Variants in DNHD1 observed in about 807,000 individuals in gnomAD.
The protein encoded by DNHD1 is dynein heavy chain domain-containing protein 1.
A neutral mutation model predicts 458.1 loss-of-function variants in DNHD1; 383 were observed. The ratio of observed to expected loss-of-function variants is 0.84; its 90% confidence interval spans 0.77 to 0.91. The LOEUF (loss-of-function observed/expected upper bound fraction) is 0.91, where lower values mean the gene tolerates loss of function less well. DNHD1 is among the 40% of genes least tolerant of loss of function. The pLI is 0.00. For synonymous variants in DNHD1, 2,203 were observed against 2,376.9 expected (o/e 0.93, Z 2.13); for missense variants, 5,336 against 5,866.1 (o/e 0.91, Z 2.95).
chr11:6,523,602 A>G (rs1290364795), intron 10 of DNHD1, among the ~76,000 whole-genome samples: 2 of 152,202 alleles, frequency 1.3e-5, no homozygotes, highest in Non-Finnish European at 2.9e-5. Flanking sequence ...ACTCATATGT[A>G]TTATATCAAT....
Position 6,556,905 on chromosome 11 carries a change from A to G in DNHD1, c.7610A>G (p.Glu2537Gly). 1 of 1,551,696 alleles carries G rather than the reference A, an allele frequency of 6.4e-7. No individual in the cohort carries two copies. Among genetic ancestry groups the G allele is most frequent in the African/African-American group, 1.4e-5 (1 of 73,174 alleles). ...LESMTQATLL[E>G]RHVPIIQAWL... ...AGCATGACCCAGGCCACCCTGCTGG[A>G]AAGACATGTGCCTATCATTCAGGCT... is the stretch of plus-strand genomic sequence containing the variant. The change falls in exon 25 of 43, where the codon GAA becomes GGA. Residue 2537 changes from glutamate (E) to glycine (G), a missense_variant. Around this residue, in one of 4 missense-constraint regions of DNHD1, gnomAD observed 3,932 missense variants for 4,365.6 expected, o/e 0.90. Transcript: ENST00000254579.
At chr11:6,533,555 G>T in intron 13 of DNHD1, 126 bp from the exon 14 acceptor site, 7 of 1,238,312 alleles carry the variant, frequency 5.7e-6, no homozygotes, top group Non-Finnish European at 7.7e-6. Context: ...CCTGATTCCA[G>T]TTGATTACAA....
chr11:6,510,861 C>G (rs1454569093), intron 6 of DNHD1, among the ~76,000 whole-genome samples: 1 of 152,122 alleles, frequency 6.6e-6, no homozygotes, highest in Admixed American at 6.5e-5. Context: ...ATGGGCAGCC[C>G]ACAGAGAAGT....
chr11:6,533,059 C>A lies in DNHD1; in HGVS notation c.2380C>A (p.Leu794Ile), dbSNP rs761096741. Reference protein sequence around the residue: ...SKLNSIRKDILAHVQNECWNL... With the variant: ...SKLNSIRKDIIAHVQNECWNL... ...GCTGAACAGCATAAGGAAGGACATTCTTGCACACGTGCAAAATGAGTGCTG... is the reference window on the plus strand; with the variant it reads ...GCTGAACAGCATAAGGAAGGACATTATTGCACACGTGCAAAATGAGTGCTG... The change falls in exon 13 of 43, where the codon CTT becomes ATT. Residue 794 changes from leucine to isoleucine, a missense_variant. Around this residue, in one of 4 missense-constraint regions of DNHD1, gnomAD observed 3,932 missense variants for 4,365.6 expected, o/e 0.90. Transcript: ENST00000254579. 2.6e-6 allele frequency: 4 copies of A among 1,551,584 alleles called. No individual in the cohort carries two copies. The highest frequency in any genetic ancestry group is 1.2e-5 in the South Asian group (1 of 84,064).
At chr11:6,521,657 CA>C (rs975620473) in intron 10 of DNHD1, among the ~76,000 whole-genome samples, 1 of 152,098 alleles carries the variant, frequency 6.6e-6, no homozygotes, top group African/African-American at 2.4e-5. Context: ...AACTTTTCTA[CA>C]AAATTTGAAG....
At chr11:6,511,242 C>T (rs755309767) in intron 6 of DNHD1, 31 bp from the exon 7 acceptor site, 2 of 1,608,484 alleles carry the variant, frequency 1.2e-6, no homozygotes. Flanking sequence ...ATTGGGATGC[C>T]AGCTCTGACC....
intron 27 of DNHD1, 25 bp from the exon 28 acceptor site, chr11:6,559,156 C>T (rs535902877): frequency 1.3e-6 from 2 of 1,551,698 alleles, no homozygotes; most frequent in African/African-American, 2.7e-5. Context: ...CTTTGGGTTT[C>T]CTCACCAGCA....
At position 6,558,639 on chromosome 11, in the gene DNHD1, G is replaced by A. The variant is rs1457161695; in HGVS notation, c.9157G>A (p.Ala3053Thr). ...TGAACCCTGGGACCAAGCTGCCCTG[G>A]CCAAGGTGGCCCAGCATCACCTGGA... is the stretch of plus-strand genomic sequence containing the variant. ...RYEPWDQAAL[A>T]KVAQHHLEGA... Residue 3053 changes from alanine to threonine, a missense_variant, in exon 26 of 43, where the codon GCC becomes ACC. By Grantham distance (58) the Ala-to-Thr change is moderately conservative. This residue lies in a region of DNHD1 where 3,932 missense variants were observed against 4,365.6 expected (regional missense o/e 0.90). Transcript: ENST00000254579. 1.7e-5 allele frequency: 27 copies of A among 1,551,426 alleles called. No homozygotes were observed. Among genetic ancestry groups the A allele is most frequent in the Non-Finnish European group, 2.3e-5 (26 of 1,147,014 alleles).
chr11:6,563,309 C>A, intron 29 of DNHD1, 73 bp from the exon 30 acceptor site: 1 of 1,517,546 alleles, frequency 6.6e-7, no homozygotes, highest in Non-Finnish European at 9.0e-7. Flanking sequence ...GGAGATGATT[C>A]CCCTAAAAAC....
intron 6 of DNHD1, among the ~76,000 whole-genome samples, chr11:6,511,056 C>G (rs771300874): frequency 6.6e-6 from 1 of 152,324 alleles, no homozygotes; most frequent in Non-Finnish European, 1.5e-5. Flanking sequence ...ATACCCCAAG[C>G]CTTTTCTCAG....
chr11:6,563,399 G>C lies in DNHD1; in HGVS notation c.9687G>C (p.Leu3229=). The part of the protein sequence containing the change: ...AFLEQMSKAF[L]EPLSQLQVAD... ...TCATTTAGATGAGCAAGGCATTTCT[G>C]GAGCCTCTGAGCCAGCTGCAGGTGG... The change falls in exon 30 of 43, where the codon CTG becomes CTC. Residue 3229 remains leucine, a synonymous_variant. Transcript: ENST00000254579. 1 of 1,551,718 alleles carries C rather than the reference G, an allele frequency of 6.4e-7. No homozygotes were observed. Among genetic ancestry groups the C allele is most frequent in the African/African-American group, 1.4e-5 (1 of 73,172 alleles).
In DNHD1 at chr11:6,509,028, C is replaced by T; in HGVS notation, c.1069C>T (p.Gln357Ter). 6.2e-7 allele frequency: 1 copy of T among 1,614,238 alleles called. No individual in the cohort carries two copies. The highest frequency in any genetic ancestry group is 8.5e-7 in the Non-Finnish European group (1 of 1,180,036). The change falls in exon 5 of 43, where the codon CAG (glutamine) becomes TAG (stop). Residue 357 changes from glutamine to a stop codon, truncating the protein, a stop_gained. Coordinates refer to ENST00000254579, the MANE Select transcript of DNHD1 (RefSeq NM_144666.3). LOFTEE classifies it high-confidence loss of function. ...TWHHHCVLWQ[Q>*]LQFIPFFKYC... ...GCACCATCACTGTGTTCTCTGGCAG[C>T]AGCTCCAGTTCATTCCATTCTTTAA... is the stretch of plus-strand genomic sequence containing the variant.
intron 18 of DNHD1, 33 bp from the exon 19 acceptor site, chr11:6,544,088 A>C (rs1228915522): frequency 3.2e-6 from 5 of 1,549,698 alleles, no homozygotes; most frequent in African/African-American, 1.4e-5. Context: ...CCCTTGCCTC[A>C]TCTGACTGCC....
chr11:6,533,869 A>T lies in DNHD1; in HGVS notation c.2694A>T (p.Leu898=), dbSNP rs1401930273. The T allele has an allele frequency of 1.9e-6, 3 of 1,549,074 alleles. No homozygotes were observed. In the East Asian group the frequency reaches 7.4e-5, roughly 38 times the overall value. ...GCCCTCCTCCCCCACAACCACATCT[A>T]CTCCACTGCCCTCTGCTTGCCCCAC... ...PPCPPPPQPH[L]LHCPLLAPQL... Residue 898 remains leucine (L), a synonymous_variant, in exon 14 of 43, where the codon CTA becomes CTT. Coordinates refer to ENST00000254579, the MANE Select transcript of DNHD1 (RefSeq NM_144666.3).
intron 18 of DNHD1, among the ~76,000 whole-genome samples, chr11:6,543,476 C>T (rs181699477): frequency 6.5e-4 from 99 of 152,016 alleles, no homozygotes; most frequent in African/African-American, 2.1e-3. Flanking sequence ...GCCCTCTTCC[C>T]GGGCTAGAGG....
Position 6,550,605 on chromosome 11 carries a change from C to G in DNHD1, c.7387+1672C>G, listed in dbSNP as rs535078209. Among the ~76,000 whole-genome samples, 29 of 152,282 alleles carry G rather than the reference C, an allele frequency of 1.9e-4. No homozygotes were observed. The South Asian group carries it at 5.8e-3, about 30-fold the overall frequency. On this transcript the variant is annotated intron_variant, in intron 24 of 42. Transcript: ENST00000254579. Reference sequence around the variant, plus strand: ...ATAGAATAGAAACTGACCCTGAGATCTATATAGCTGTACGCTGTCCAAAAG... The same window carrying G: ...ATAGAATAGAAACTGACCCTGAGATGTATATAGCTGTACGCTGTCCAAAAG...
chr11:6,560,301 C>T (rs368614592), intron 28 of DNHD1, among the ~76,000 whole-genome samples: 3 of 152,128 alleles, frequency 2.0e-5, no homozygotes, highest in African/African-American at 7.2e-5. Context: ...GACTATCATC[C>T]AGTGCCACAC....
chr11:6,550,859 G>A (rs989262460), intron 24 of DNHD1, among the ~76,000 whole-genome samples: 2 of 152,054 alleles, frequency 1.3e-5, no homozygotes, highest in Non-Finnish European at 2.9e-5. Flanking sequence ...AGACATTTAA[G>A]TATAGGGAAA....
At chr11:6,524,490 G>GACTCCATCCTTGACTTTATAT in intron 10 of DNHD1, among the ~76,000 whole-genome samples, 1 of 152,088 alleles carries the variant, frequency 6.6e-6, no homozygotes, top group East Asian at 1.9e-4. Flanking sequence ...TTATGACACC[G>GACTCCATCCTTGACTTTATAT]ACTCCATCCT....
Sources: gnomAD v4.1 joint callset for allele counts (sites outside exome capture counted in the v4.1 genomes callset) on GRCh38, gnomAD v4.1.1 for gene constraint, gnomAD v4.1.1 regional missense constraint, MANE v1.5 for transcripts, NCBI Gene and HGNC (gene_info 2026-07-23, HGNC 2026-07-21) for gene names.